The following MAML2 variants were observed in gnomAD, a reference collection of about 807,000 sequenced individuals.
MAML2 encodes mastermind-like protein 2.
MAML2 carries 22 observed loss-of-function variants against 96.1 expected under a neutral mutation model. That is an observed-to-expected ratio of 0.23 (90% confidence interval 0.16 to 0.33). The LOEUF is 0.33. Among genes scored for constraint, MAML2 ranks in the 10% least tolerant of loss-of-function variants. The pLI is 1.00. For synonymous variants in MAML2, 561 were observed against 521.3 expected, an observed-to-expected ratio of 1.08 and a Z score of -1.04; for missense variants, 1,367 against 1,392.4, an observed-to-expected ratio of 0.98 and a Z score of 0.29.
intron 2 of MAML2, among the ~76,000 whole-genome samples, chr11:96,091,250 C>T (rs530476032): frequency 2.6e-5 from 4 of 152,266 alleles, no homozygotes; most frequent in East Asian, 3.9e-4. Flanking sequence ...TTCCCTTTGC[C>T]GGGTAAGATA....
intron 1 of MAML2, among the ~76,000 whole-genome samples, chr11:96,259,037 G>A (rs1862710396): frequency 6.6e-6 from 1 of 151,486 alleles, no homozygotes. Flanking sequence ...TCTTTCAAAG[G>A]GTGAAGACAA....
At chr11:96,020,219 C>T (rs1315705560) in intron 2 of MAML2, among the ~76,000 whole-genome samples, 1 of 152,154 alleles carries the variant, frequency 6.6e-6, no homozygotes, top group African/African-American at 2.4e-5. Flanking sequence ...TATCCCCAGG[C>T]AAAAGTGCCT....
intron 2 of MAML2, among the ~76,000 whole-genome samples, chr11:96,023,056 G>C (rs1464989941): frequency 6.6e-6 from 1 of 152,184 alleles, no homozygotes; most frequent in Non-Finnish European, 1.5e-5. Flanking sequence ...GGGTAGAGCT[G>C]AGCAAGATTC....
At chr11:96,313,434 C>G (rs969388051) in intron 1 of MAML2, among the ~76,000 whole-genome samples, 5 of 152,278 alleles carry the variant, frequency 3.3e-5, no homozygotes, top group Non-Finnish European at 7.4e-5. Flanking sequence ...ATTGCATTTC[C>G]CTTTTTTCAC....
intron 1 of MAML2, among the ~76,000 whole-genome samples, chr11:96,114,937 A>G (rs1860208468): frequency 6.6e-6 from 1 of 152,162 alleles, no homozygotes. Context: ...GACTGTTGTC[A>G]AGATCTCTAG....
At chr11:95,990,774 A>G (rs1857896519) in intron 3 of MAML2, among the ~76,000 whole-genome samples, 1 of 152,124 alleles carries the variant, frequency 6.6e-6, no homozygotes, top group South Asian at 2.1e-4. Context: ...TGTATACTTT[A>G]GCTCTAATTC....
At chr11:96,233,933 G>A (rs1043675220) in intron 1 of MAML2, among the ~76,000 whole-genome samples, 1 of 152,062 alleles carries the variant, frequency 6.6e-6, no homozygotes, top group Non-Finnish European at 1.5e-5. Context: ...TGGCCAGGTG[G>A]GCCTCCAAAA....
intron 1 of MAML2, among the ~76,000 whole-genome samples, chr11:96,257,874 CTGGAA>C (rs1862690572): frequency 6.6e-6 from 1 of 152,184 alleles, no homozygotes; most frequent in Admixed American, 6.5e-5. Context: ...ATGGTGAGGA[CTGGAA>C]TAACAACTTT....
At chr11:96,274,077 C>G (rs1402595166) in intron 1 of MAML2, among the ~76,000 whole-genome samples, 2 of 91,792 alleles carry the variant, frequency 2.2e-5, no homozygotes, top group Non-Finnish European at 4.2e-5. Flanking sequence ...TTTCCTTTTC[C>G]TTTTTTTTTT....
At chr11:96,304,747 T>C (rs2136000584) in intron 1 of MAML2, among the ~76,000 whole-genome samples, 1 of 152,306 alleles carries the variant, frequency 6.6e-6, no homozygotes, top group Admixed American at 6.5e-5. Flanking sequence ...GACAGCTAAC[T>C]GCATAAAGTG....
chr11:96,222,686 A>G (rs1263297528), intron 1 of MAML2, among the ~76,000 whole-genome samples: 3 of 152,158 alleles, frequency 2.0e-5, no homozygotes, highest in Non-Finnish European at 1.5e-5. Context: ...GATAACCCCA[A>G]AAGTTGCATA....
chr11:96,056,041 T>C (rs1490417290), intron 2 of MAML2, among the ~76,000 whole-genome samples: 2 of 152,228 alleles, frequency 1.3e-5, no homozygotes, highest in African/African-American at 4.8e-5. Flanking sequence ...AGCAATGGGT[T>C]AGAAATCAAA....
At chr11:96,113,333 T>C (rs1860164507) in intron 1 of MAML2, among the ~76,000 whole-genome samples, 1 of 152,174 alleles carries the variant, frequency 6.6e-6, no homozygotes, top group Admixed American at 6.5e-5. Context: ...GCTCTTTACT[T>C]TGAGTCTGTA....
chr11:96,217,022 T>C (rs1334270764), intron 1 of MAML2, among the ~76,000 whole-genome samples: 1 of 151,382 alleles, frequency 6.6e-6, no homozygotes, highest in East Asian at 1.9e-4. Context: ...GACCAGGGAG[T>C]GTGAGAGCAG....
At chr11:96,296,958 A>T (rs1863308697) in intron 1 of MAML2, among the ~76,000 whole-genome samples, 1 of 152,342 alleles carries the variant, frequency 6.6e-6, no homozygotes. Flanking sequence ...TTATCATGTG[A>T]ATTGAATCCT....
chr11:96,314,757 T>C (rs1427358309), intron 1 of MAML2, among the ~76,000 whole-genome samples: 1 of 152,238 alleles, frequency 6.6e-6, no homozygotes, highest in Non-Finnish European at 1.5e-5. Flanking sequence ...TTGTACCCAA[T>C]ATAAATGTTT....
intron 2 of MAML2, among the ~76,000 whole-genome samples, chr11:96,005,611 C>G (rs1858167372): frequency 6.6e-6 from 1 of 152,078 alleles, no homozygotes; most frequent in Non-Finnish European, 1.5e-5. Context: ...AGTAGGGGAT[C>G]AAGGTGGTTG....
chr11:96,313,259 T>C lies in MAML2; in HGVS notation c.513+28124A>G, dbSNP rs115495817. Among the ~76,000 whole-genome samples, 1,064 of 152,246 alleles carry C rather than the reference T, an allele frequency of 7.0e-3. 16 individuals are homozygous for C. Among genetic ancestry groups the C allele is most frequent in the African/African-American group, 0.024 (1,002 of 41,546 alleles). The stretch of plus-strand genomic sequence containing the variant: ...GACCAATAGTCTAACTCTAAGAGGT[T>C]CACAAATCCCGAGGCATCGGCATCC... On this transcript the variant is annotated intron_variant, in intron 1 of 4. Coordinates refer to ENST00000524717, the MANE Select transcript of MAML2 (RefSeq NM_032427.4).
chr11:96,004,620 A>T (rs1187114215), intron 2 of MAML2, among the ~76,000 whole-genome samples: 1 of 152,198 alleles, frequency 6.6e-6, no homozygotes, highest in Non-Finnish European at 1.5e-5. Flanking sequence ...ATGAAAAAAA[A>T]TGGAGCTTTT....
Sources: allele counts gnomAD v4.1 joint callset (sites outside exome capture counted in the v4.1 genomes callset), GRCh38; gene constraint gnomAD v4.1.1; transcripts MANE v1.5; gene names NCBI Gene and HGNC (gene_info 2026-07-23, HGNC 2026-07-21).